DNAH5: variants seen among roughly 807,000 people sequenced by gnomAD.
The protein encoded by DNAH5 is dynein axonemal heavy chain 5.
DNAH5 carries 372 observed loss-of-function variants against 518.2 expected under a neutral mutation model. The ratio of observed to expected loss-of-function variants is 0.72; its 90% CI spans 0.66 to 0.78. The LOEUF is 0.78. DNAH5 is among the 30% of genes least tolerant of loss of function. The pLI is 0.00. For missense variants in DNAH5, 5,523 were observed against 5,687.0 expected (o/e 0.97, Z 0.93); for synonymous variants, 2,039 against 2,025.9 (o/e 1.01, Z -0.17).
chr5:13,762,978 A>C (rs1393124075), intron 59 of DNAH5, 77 bp from the exon 60 acceptor site: 4 of 1,194,692 alleles, frequency 3.3e-6, no homozygotes, highest in Non-Finnish European at 4.9e-6. Context: ...TCTCAATGCC[A>C]CTGAAACTAC....
Position 13,864,619 on chromosome 5 carries a change from C to A in DNAH5, c.4374G>T (p.Arg1458=), listed in dbSNP as rs6554827. The A allele has an allele frequency of 0.43, 692,671 of 1,613,476 alleles. 151,301 individuals are homozygous for A. The highest frequency in any genetic ancestry group is 0.47 in the South Asian group (42,633 of 91,054). ...EFQNRCRKLP[R]ALKDWQAFLD... The stretch of plus-strand genomic sequence containing the variant: ...AAAAAGCCTGCCAGTCCTTCAAGGC[C>A]CGGGGAAGCTTTCGACATCTGTGAA... Residue 1458 remains arginine, a synonymous_variant, in exon 28 of 79, where the codon CGG becomes CGT. Transcript: ENST00000265104.
chr5:13,947,193 G>T (rs780448684), upstream of DNAH5, among the ~76,000 whole-genome samples: 64 of 152,082 alleles, frequency 4.2e-4, no homozygotes, highest in Non-Finnish European at 7.5e-4. Flanking sequence ...AGAAAATAAG[G>T]TATAAGCTTT....
intron 53 of DNAH5, among the ~76,000 whole-genome samples, chr5:13,778,864 C>A (rs1754654348): frequency 6.6e-6 from 1 of 152,224 alleles, no homozygotes; most frequent in Non-Finnish European, 1.5e-5. Context: ...GGCCCTTCGT[C>A]TCATCAGTAA....
At chr5:13,959,299 G>A (rs115200699) in intron 1 of DNAH5, among the ~76,000 whole-genome samples, 14 of 152,322 alleles carry the variant, frequency 9.2e-5, no homozygotes, top group South Asian at 4.1e-4. Context: ...ACTCCAAACT[G>A]CAGATACAGG....
intron 78 of DNAH5, among the ~76,000 whole-genome samples, chr5:13,700,233 C>A (rs1741910531): frequency 6.6e-6 from 1 of 152,298 alleles, no homozygotes; most frequent in African/African-American, 2.4e-5. Flanking sequence ...CACAGCCTAC[C>A]CCACCACATT....
chr5:13,871,665 A>G lies in DNAH5; in HGVS notation c.3497T>C (p.Leu1166Pro). 6.2e-7 allele frequency: 1 copy of G among 1,613,842 alleles called. No individual in the cohort carries two copies. The highest frequency in any genetic ancestry group is 1.1e-5 in the South Asian group (1 of 91,078). ...GAGAATCTGGGACTCAAATTCAGAAAGCAAGGGGCTCTGTGTAATAAATGT... is the reference window on the plus strand; with the variant it reads ...GAGAATCTGGGACTCAAATTCAGAAGGCAAGGGGCTCTGTGTAATAAATGT... ...IKTFITQSPL[L>P]SEFESQILYF... Residue 1166 changes from leucine (L) to proline (P), a missense_variant, in exon 23 of 79, where the codon CTT (leucine) becomes CCT (proline). Transcript: ENST00000265104.
At chr5:13,807,469 G>T in intron 47 of DNAH5, 122 bp downstream of exon 47, 1 of 878,886 alleles carries the variant, frequency 1.1e-6, no homozygotes, top group Non-Finnish European at 1.8e-6. Context: ...AGACGTACGT[G>T]GGTGATTTAT....
rs906212553 is a variant in DNAH5, at chr5:13,923,273, C to T, written c.438+7G>A. The T allele has an allele frequency of 5.6e-6, 9 of 1,613,922 alleles. No homozygotes were observed. In the African/African-American group the frequency reaches 9.3e-5, roughly 17 times the overall value. ...ATTCAGAGTAAACAATGGCTCTTGC[C>T]CCTTACCTGGTGGATGTTGTCAGGG... is the stretch of plus-strand genomic sequence containing the variant. On this transcript the variant is annotated splice_region_variant and intron_variant, in intron 4 of 78. Coordinates refer to ENST00000265104, the MANE Select transcript of DNAH5 (RefSeq NM_001369.3).
At chr5:13,863,993 C>G (rs1768849572) in intron 28 of DNAH5, among the ~76,000 whole-genome samples, 1 of 152,208 alleles carries the variant, frequency 6.6e-6, no homozygotes, top group Admixed American at 6.5e-5. Flanking sequence ...CCAAGCCCCT[C>G]ACCCCAACCA....
chr5:13,791,460 T>G (rs1187808423), intron 50 of DNAH5, among the ~76,000 whole-genome samples: 1 of 142,806 alleles, frequency 7.0e-6, no homozygotes, highest in Non-Finnish European at 1.6e-5. Context: ...TAAATGAACT[T>G]CGTAAGCTGC....
chr5:13,963,498 G>A (rs1000137123), intron 1 of DNAH5, among the ~76,000 whole-genome samples: 11 of 151,970 alleles, frequency 7.2e-5, no homozygotes, highest in Non-Finnish European at 1.6e-4. Context: ...AGAATCGCTT[G>A]AACCCGGGAG....
chr5:13,692,244 G>T, intron 78 of DNAH5, 109 bp from the exon 79 acceptor site: 1 of 1,263,450 alleles, frequency 7.9e-7, no homozygotes. Context: ...AAACAGATGG[G>T]TTTGGCTGAA....
chr5:13,997,571 C>T (rs978462607), intron 1 of DNAH5, among the ~76,000 whole-genome samples: 1 of 152,154 alleles, frequency 6.6e-6, no homozygotes, highest in Non-Finnish European at 1.5e-5. Context: ...TAAAAAGATA[C>T]AGGCTTTCTC....
intron 42 of DNAH5, among the ~76,000 whole-genome samples, 186 bp downstream of exon 42, chr5:13,817,362 C>T (rs1761576584): frequency 6.6e-6 from 1 of 152,072 alleles, no homozygotes; most frequent in Non-Finnish European, 1.5e-5. Context: ...TAAAAGGGAG[C>T]ATTTTAAATA....
In DNAH5 at chr5:13,876,256, T is replaced by A. The variant is rs564428480; in HGVS notation, c.3396+428A>T. ...TTCATCTAATTTCTATGTGGCAATATAAATAAATTTTTATCTGATATTTTA... is the reference window on the plus strand; with the variant it reads ...TTCATCTAATTTCTATGTGGCAATAAAAATAAATTTTTATCTGATATTTTA... On this transcript the variant is annotated intron_variant, in intron 22 of 78. Coordinates refer to ENST00000265104, the MANE Select transcript of DNAH5 (RefSeq NM_001369.3). Among the ~76,000 whole-genome samples, 125 of 152,290 alleles carry A rather than the reference T, an allele frequency of 8.2e-4. 1 individual carries two copies. The highest frequency in any genetic ancestry group is 1.5e-3 in the South Asian group (7 of 4,826).
Position 13,931,131 on chromosome 5 carries a change from A to C in DNAH5, c.171T>G (p.Asp57Glu), listed in dbSNP as rs1329352324. 1 of 1,614,028 alleles carries C rather than the reference A, an allele frequency of 6.2e-7. No homozygotes were observed. Among genetic ancestry groups the C allele is most frequent in the Non-Finnish European group, 8.5e-7 (1 of 1,179,984 alleles). ...CLDLNKTEVE[D>E]AILEGNQIER... ...CCACCTGATTCCCTTCAAGAATGGCATCCTCCACTTCGGTTTTGTTCAGGT... is the reference window on the plus strand; with the variant it reads ...CCACCTGATTCCCTTCAAGAATGGCCTCCTCCACTTCGGTTTTGTTCAGGT... The change falls in exon 2 of 79, where the codon GAT becomes GAG. Residue 57 changes from aspartate (D) to glutamate (E), a missense_variant. Asp to Glu is a conservative substitution (Grantham distance 45). Coordinates refer to ENST00000265104, the MANE Select transcript of DNAH5 (RefSeq NM_001369.3).
At chr5:13,784,125 A>G (rs1440555011) in intron 52 of DNAH5, among the ~76,000 whole-genome samples, 3 of 152,246 alleles carry the variant, frequency 2.0e-5, no homozygotes, top group Non-Finnish European at 4.4e-5. Context: ...AACTTGCTCA[A>G]GCACGACACT....
At chr5:13,958,596 A>G (rs1284893837) in intron 1 of DNAH5, among the ~76,000 whole-genome samples, 4 of 152,222 alleles carry the variant, frequency 2.6e-5, no homozygotes, top group Non-Finnish European at 5.9e-5. Flanking sequence ...GGCATTAAAG[A>G]TTTGGACCAA....
chr5:13,885,889 T>A, intron 18 of DNAH5, 75 bp downstream of exon 18: 1 of 1,295,288 alleles, frequency 7.7e-7, no homozygotes. Context: ...AATTAATTGG[T>A]ATGTAGAAAA....
Sources: gnomAD v4.1 joint callset for allele counts (sites outside exome capture counted in the v4.1 genomes callset) on GRCh38, gnomAD v4.1.1 for gene constraint, MANE v1.5 for transcripts, NCBI Gene and HGNC (gene_info 2026-07-23, HGNC 2026-07-21) for gene names.